The following SULT6B1 variants were observed in gnomAD, a reference collection of about 807,000 sequenced individuals.
SULT6B1 encodes sulfotransferase family 6B member 1.
In SULT6B1, 44 loss-of-function variants were observed where a neutral mutation model predicts 37.2. The observed-to-expected ratio is 1.18, with a 90% CI of 0.93 to 1.52. The LOEUF (loss-of-function observed/expected upper bound fraction) is 1.52, where lower values mean the gene tolerates loss of function less well. Among genes scored for constraint, SULT6B1 ranks in the 40% most tolerant of loss-of-function variants. The probability of loss-of-function intolerance (pLI) is 0.00; values close to 1 mark genes in which losing one functional copy is unlikely to be tolerated. For missense variants in SULT6B1, 450 were observed against 361.0 expected (o/e 1.25, Z -2.00); for synonymous variants, 140 against 126.0 (o/e 1.11, Z -0.74).
At chr2:37,183,364 C>T in intron 3 of SULT6B1, 61 bp downstream of exon 3, 3 of 1,325,974 alleles carry the variant, frequency 2.3e-6, no homozygotes, top group Non-Finnish European at 3.2e-6. Flanking sequence ...TGATCTACTT[C>T]CAAAAACTAA....
At chr2:37,185,518 A>T (rs867408289) in intron 2 of SULT6B1, among the ~76,000 whole-genome samples, 36 of 152,182 alleles carry the variant, frequency 2.4e-4, no homozygotes, top group Middle Eastern at 6.8e-3. Context: ...GGAGTTTGAG[A>T]GTAGCCTGTC....
At chr2:37,190,988 G>A (rs1414016841), upstream of SULT6B1, among the ~76,000 whole-genome samples, 2 of 152,010 alleles carry the variant, frequency 1.3e-5, no homozygotes, top group African/African-American at 4.8e-5. Context: ...CAGGGGAGAA[G>A]GTCTAGAGAG....
rs137864268 is a variant in SULT6B1, at chr2:37,171,456, G to T, written c.759C>A (p.Val253=). 3.7e-6 allele frequency: 6 copies of T among 1,613,794 alleles called. No individual in the cohort carries two copies. Among genetic ancestry groups the T allele is most frequent in the South Asian group, 1.1e-5 (1 of 90,996 alleles). Residue 253 remains valine, a synonymous_variant, in exon 6 of 7, where the codon GTC becomes GTA. Coordinates refer to ENST00000535679, the MANE Select transcript of SULT6B1 (RefSeq NM_001367551.1). ...RAKSQDTHGA[V]GPFLFRKGEV... ...TACCTTTGCGGAAAAGGAATGGGCC[G>T]ACAGCACCGTGTGTGTCCTGAGACT... is the stretch of plus-strand genomic sequence containing the variant.
chr2:37,193,785 A>T (rs981751534), intron 1 of SULT6B1, among the ~76,000 whole-genome samples: 3 of 152,218 alleles, frequency 2.0e-5, no homozygotes, highest in African/African-American at 7.2e-5. Flanking sequence ...CCACTACAGA[A>T]GACTGGGATT....
chr2:37,168,062 T>C lies in SULT6B1; in HGVS notation c.785A>G (p.Glu262Gly). ...AVGPFLFRKGEVGDWKNLFSE... is the reference protein window; with the variant it reads ...AVGPFLFRKGGVGDWKNLFSE... ...GAACAAATTTTTCCAATCACCAACT[T>C]CACCTACAACACACAAAAAACAGTA... The change falls in exon 7 of 7, where the codon GAA becomes GGA. Residue 262 changes from glutamate (E) to glycine (G), a missense_variant. Physicochemically the swap from Glu to Gly is moderately conservative, Grantham distance 98 (BLOSUM62 -2). Transcript: ENST00000535679. The C allele has an allele frequency of 6.3e-7, 1 of 1,588,800 alleles. No individual in the cohort carries two copies. The highest frequency in any genetic ancestry group is 8.5e-7 in the Non-Finnish European group (1 of 1,173,288).
At chr2:37,189,216 C>A (rs1334405412), upstream of SULT6B1, among the ~76,000 whole-genome samples, 1 of 152,174 alleles carries the variant, frequency 6.6e-6, no homozygotes, top group Non-Finnish European at 1.5e-5. Flanking sequence ...TTACTCTGAG[C>A]TAATGATAAT....
At chr2:37,176,539 T>A (rs1253147787) in intron 4 of SULT6B1, among the ~76,000 whole-genome samples, 3 of 152,050 alleles carry the variant, frequency 2.0e-5, no homozygotes, top group Non-Finnish European at 4.4e-5. Flanking sequence ...GGATTACAGG[T>A]GTGAGCCACC....
upstream of SULT6B1, among the ~76,000 whole-genome samples, chr2:37,193,576 GAAGAA>G: frequency 7.5e-6 from 1 of 133,516 alleles, no homozygotes; most frequent in South Asian, 2.4e-4. Context: ...AAAAAAAAAA[GAAGAA>G]AAAGAAGAAG....
chr2:37,192,510 C>T (rs1479671684), upstream of SULT6B1, among the ~76,000 whole-genome samples: 4 of 152,092 alleles, frequency 2.6e-5, no homozygotes. Flanking sequence ...TACATCACTC[C>T]CACTTGAAGG....
Position 37,183,440 on chromosome 2 carries a change from G to A in SULT6B1, c.387C>T (p.Phe129=), listed in dbSNP as rs201496823. The A allele has an allele frequency of 1.9e-5, 31 of 1,613,844 alleles. No homozygotes were observed. The highest frequency in any genetic ancestry group is 1.8e-4 in the Admixed American group (11 of 59,998). ...LHYDKLPGSI[F]ENKAKILVIF... ...GGACACTCACCTTGGCTTTATTCTC[G>A]AAGATAGACCCAGGTAATTTGTCAT... is the stretch of plus-strand genomic sequence containing the variant. Residue 129 remains phenylalanine (F), a synonymous_variant, in exon 3 of 7, where the codon TTC becomes TTT. Coordinates refer to ENST00000535679, the MANE Select transcript of SULT6B1 (RefSeq NM_001367551.1).
upstream of SULT6B1, among the ~76,000 whole-genome samples, chr2:37,189,349 C>G (rs918503982): frequency 6.6e-6 from 1 of 152,090 alleles, no homozygotes; most frequent in African/African-American, 2.4e-5. Context: ...GGATGTAAGG[C>G]CGAAAAAGAG....
In SULT6B1 at chr2:37,179,486, T is replaced by C; in HGVS notation, c.501A>G (p.Glu167=). Residue 167 remains glutamate, a synonymous_variant, in exon 4 of 7, where the codon GAA becomes GAG. Transcript: ENST00000535679. The part of the protein sequence containing the change: ...PDIPSYGSWD[E]FFRQFMKGQV... Reference sequence around the variant, plus strand: ...GTCCTTTCATGAACTGTCTGAAGAATTCATCCCAAGAGCCATAGCTTGGAA... The same window carrying C: ...GTCCTTTCATGAACTGTCTGAAGAACTCATCCCAAGAGCCATAGCTTGGAA... The C allele has an allele frequency of 6.2e-7, 1 of 1,614,034 alleles. No individual in the cohort carries two copies. The highest frequency in any genetic ancestry group is 2.2e-5 in the East Asian group (1 of 44,858).
At chr2:37,185,078 T>C (rs769500083) in intron 2 of SULT6B1, among the ~76,000 whole-genome samples, 9 of 152,154 alleles carry the variant, frequency 5.9e-5, no homozygotes, top group Non-Finnish European at 1.2e-4. Context: ...GCTTTGAGGT[T>C]TTAAGCACTT....
Position 37,187,443 on chromosome 2 carries a change from A to T in SULT6B1, c.224T>A (p.Val75Asp), listed in dbSNP as rs45626240. Reference protein sequence around the residue: ...KCGSNWILHIVSELIYAVSKK... With the variant: ...KCGSNWILHIDSELIYAVSKK... The stretch of plus-strand genomic sequence containing the variant: ...AGAAACAGCATATATTAATTCACTG[A>T]CAATGTGGAGAATCCAGTTTGAACC... Residue 75 changes from valine to aspartate, a missense_variant, in exon 2 of 7, where the codon GTC becomes GAC. Val to Asp is a radical substitution (Grantham distance 152, BLOSUM62 -3). Transcript: ENST00000535679. 0.028 allele frequency: 44,385 copies of T among 1,595,908 alleles called. 793 individuals are homozygous for T. Among genetic ancestry groups the T allele is most frequent in the Middle Eastern group, 0.035 (198 of 5,624 alleles).
upstream of SULT6B1, among the ~76,000 whole-genome samples, chr2:37,190,312 AT>A (rs987904360): frequency 2.0e-5 from 3 of 152,014 alleles, no homozygotes; most frequent in African/African-American, 4.8e-5. Flanking sequence ...TAAGAAGGTA[AT>A]TTTTTTCACT....
At chr2:37,180,788 G>A (rs917632277) in intron 3 of SULT6B1, among the ~76,000 whole-genome samples, 1 of 152,158 alleles carries the variant, frequency 6.6e-6, no homozygotes, top group Middle Eastern at 3.2e-3. Context: ...GGAGGCTGAG[G>A]CAGGAGAATT....
At chr2:37,181,480 A>G (rs1174818139) in intron 3 of SULT6B1, among the ~76,000 whole-genome samples, 1 of 152,104 alleles carries the variant, frequency 6.6e-6, no homozygotes, top group Non-Finnish European at 1.5e-5. Flanking sequence ...TCCTGGGCTC[A>G]AGCAATCCTC....
chr2:37,174,179 T>G (rs1676364050), intron 5 of SULT6B1, among the ~76,000 whole-genome samples: 1 of 151,648 alleles, frequency 6.6e-6, no homozygotes, highest in Non-Finnish European at 1.5e-5. Flanking sequence ...CCTCAGATCT[T>G]TGCTCAAATC....
At chr2:37,178,002 C>T (rs1179311293) in intron 4 of SULT6B1, among the ~76,000 whole-genome samples, 1 of 152,118 alleles carries the variant, frequency 6.6e-6, no homozygotes, top group African/African-American at 2.4e-5. Context: ...CCACTATACT[C>T]ATGGATGTAG....
Sources: allele counts gnomAD v4.1 joint callset (sites outside exome capture counted in the v4.1 genomes callset), GRCh38; gene constraint gnomAD v4.1.1; transcripts MANE v1.5; gene names NCBI Gene and HGNC (gene_info 2026-07-23, HGNC 2026-07-21).